The following GRM5 variants were observed in gnomAD, a reference collection of about 807,000 sequenced individuals.
GRM5 encodes the protein glutamate metabotropic receptor 5, also known as metabotropic glutamate receptor 5.
GRM5 carries 19 observed loss-of-function variants against 83.1 expected under a neutral mutation model. The observed-to-expected ratio is 0.23, with a 90% CI of 0.16 to 0.34. The LOEUF (loss-of-function observed/expected upper bound fraction) is 0.34, where lower values mean the gene tolerates loss of function less well. Ranked by LOEUF, GRM5 falls within the 10% of genes least tolerant of loss-of-function variation. GRM5 has a pLI of 1.00. For missense variants in GRM5, 1,160 were observed against 1,588.3 expected (o/e 0.73, Z 4.58); for synonymous variants, 675 against 633.6 (o/e 1.07, Z -0.98).
At chr11:88,720,145 G>T (rs2135393807) in intron 3 of GRM5, among the ~76,000 whole-genome samples, 1 of 152,146 alleles carries the variant, frequency 6.6e-6, no homozygotes, top group East Asian at 1.9e-4. Flanking sequence ...GATAGTTGTT[G>T]AACAAATCCA....
chr11:88,914,095 A>C (rs1377189021), intron 2 of GRM5, among the ~76,000 whole-genome samples: 2 of 152,164 alleles, frequency 1.3e-5, no homozygotes, highest in African/African-American at 4.8e-5. Flanking sequence ...TGTTGGTGTC[A>C]TATGTCTCTT....
rs376724440 is a variant in GRM5, at chr11:88,722,229, A to C, written c.912-68826T>G. ...CCTTTACTGGAGGGTGGAATAGCAG[A>C]ATTATACTGTTAAACCACTCCTCTA... is the stretch of plus-strand genomic sequence containing the variant. On this transcript the variant is annotated intron_variant, in intron 3 of 9. Coordinates refer to ENST00000305447, the MANE Select transcript of GRM5 (RefSeq NM_001143831.3). Among the ~76,000 whole-genome samples the C allele has an allele frequency of 3.9e-5, 6 of 152,236 alleles. No homozygotes were observed. In the South Asian group the frequency reaches 1.0e-3, roughly 26 times the overall value.
intron 3 of GRM5, among the ~76,000 whole-genome samples, chr11:88,687,213 G>A (rs1378397928): frequency 3.3e-5 from 5 of 151,738 alleles, no homozygotes; most frequent in Non-Finnish European, 7.4e-5. Flanking sequence ...AGCGGCTCGC[G>A]CCTGTAATCC....
At chr11:88,837,619 A>C (rs1944115349) in intron 3 of GRM5, among the ~76,000 whole-genome samples, 1 of 152,180 alleles carries the variant, frequency 6.6e-6, no homozygotes, top group African/African-American at 2.4e-5. Context: ...GTATTAGAAG[A>C]GGGCTTCAAA....
At chr11:88,773,518 C>T (rs1942783457) in intron 3 of GRM5, among the ~76,000 whole-genome samples, 1 of 152,084 alleles carries the variant, frequency 6.6e-6, no homozygotes, top group East Asian at 1.9e-4. Flanking sequence ...AGTCATGAAA[C>T]CCTTGCCCAT....
At chr11:89,025,693 T>C (rs554612846) in intron 2 of GRM5, among the ~76,000 whole-genome samples, 9 of 152,346 alleles carry the variant, frequency 5.9e-5, no homozygotes, top group South Asian at 2.1e-4. Flanking sequence ...TGAAAATTTA[T>C]GCTGGCAAGG....
At chr11:88,986,849 C>A (rs1038799041) in intron 2 of GRM5, among the ~76,000 whole-genome samples, 6 of 148,824 alleles carry the variant, frequency 4.0e-5, no homozygotes, top group South Asian at 2.2e-4. Flanking sequence ...TTTCACATCT[C>A]ACATTTAAGT....
intron 3 of GRM5, among the ~76,000 whole-genome samples, chr11:88,815,956 G>A (rs923376043): frequency 1.3e-5 from 2 of 151,444 alleles, no homozygotes; most frequent in Admixed American, 6.6e-5. Flanking sequence ...GCTCACGCCT[G>A]TAATCCCAGC....
intron 3 of GRM5, among the ~76,000 whole-genome samples, chr11:88,748,576 T>C (rs1351808017): frequency 6.6e-6 from 1 of 152,134 alleles, no homozygotes; most frequent in Non-Finnish European, 1.5e-5. Context: ...GCAGTGTACC[T>C]GCTCTACCAG....
At chr11:88,663,514 A>G (rs1939958683) in intron 3 of GRM5, among the ~76,000 whole-genome samples, 1 of 152,244 alleles carries the variant, frequency 6.6e-6, no homozygotes, top group Non-Finnish European at 1.5e-5. Flanking sequence ...AAAATGATCC[A>G]TTTCAACAGA....
rs186350238 is a variant in GRM5, at chr11:88,547,063, A to G, written c.2630+19990T>C. 2.0e-3 allele frequency among the ~76,000 whole-genome samples: 299 copies of G among 152,296 alleles called. 3 individuals are homozygous for G. The highest frequency in any genetic ancestry group is 1.0e-3 in the South Asian group (5 of 4,832). On this transcript the variant is annotated intron_variant, in intron 8 of 9. Coordinates refer to ENST00000305447, the MANE Select transcript of GRM5 (RefSeq NM_001143831.3). ...AATTAAAATGAGGATACAAAATCAAAACATTAAAAAACAGTTTTACCTATA... is the reference window on the plus strand; with the variant it reads ...AATTAAAATGAGGATACAAAATCAAGACATTAAAAAACAGTTTTACCTATA...
intron 9 of GRM5, among the ~76,000 whole-genome samples, chr11:88,515,938 A>G (rs1202912993): frequency 6.6e-6 from 1 of 152,200 alleles, no homozygotes; most frequent in Admixed American, 6.5e-5. Flanking sequence ...AATAGTTTCC[A>G]TTTTAATAGA....
chr11:88,534,918 G>A (rs114624723), intron 8 of GRM5, among the ~76,000 whole-genome samples: 238 of 152,270 alleles, frequency 1.6e-3, no homozygotes, highest in African/African-American at 5.4e-3. Flanking sequence ...GGTTTGATAA[G>A]GGGAAACTTG....
chr11:88,856,760 A>G (rs566642007), intron 2 of GRM5, among the ~76,000 whole-genome samples: 1 of 152,120 alleles, frequency 6.6e-6, no homozygotes, highest in South Asian at 2.1e-4. Flanking sequence ...CTATGACATG[A>G]TGATAGCTAT....
intron 2 of GRM5, among the ~76,000 whole-genome samples, chr11:88,929,755 T>C (rs745471241): frequency 6.6e-6 from 1 of 152,174 alleles, no homozygotes; most frequent in Non-Finnish European, 1.5e-5. Flanking sequence ...ATGTGGCTTC[T>C]AATTACATAT....
intron 2 of GRM5, among the ~76,000 whole-genome samples, chr11:88,982,837 C>A (rs1235980070): frequency 2.0e-5 from 3 of 152,036 alleles, no homozygotes; most frequent in African/African-American, 4.8e-5. Flanking sequence ...GAGGCCGAAG[C>A]GAGTGGATCT....
chr11:88,526,974 A>C (rs1941894178), intron 8 of GRM5, among the ~76,000 whole-genome samples: 1 of 152,178 alleles, frequency 6.6e-6, no homozygotes. Context: ...GTAATTTTAG[A>C]TGTAGGCATA....
At position 88,820,191 on chromosome 11, in the gene GRM5, T is replaced by C. The variant is rs143154913; in HGVS notation, c.911+29715A>G. Among the ~76,000 whole-genome samples, 214 of 149,754 alleles carry C rather than the reference T, an allele frequency of 1.4e-3. 1 individual carries two copies. Among genetic ancestry groups the C allele is most frequent in the African/African-American group, 5.0e-3 (200 of 40,274 alleles). ...GACAGGAGATCGAGACCATTCTGGG[T>C]AACACAGTGAAACCCCATCTCTACT... On this transcript the variant is annotated intron_variant, in intron 3 of 9. Coordinates refer to ENST00000305447, the MANE Select transcript of GRM5 (RefSeq NM_001143831.3).
intron 2 of GRM5, among the ~76,000 whole-genome samples, chr11:88,869,259 T>C (rs1425590405): frequency 1.3e-5 from 2 of 151,654 alleles, no homozygotes; most frequent in Non-Finnish European, 3.0e-5. Context: ...GTGAATCACT[T>C]TTAGAAACAT....
Sources: allele counts gnomAD v4.1 joint callset (sites outside exome capture counted in the v4.1 genomes callset), GRCh38; gene constraint gnomAD v4.1.1; transcripts MANE v1.5; gene names NCBI Gene and HGNC (gene_info 2026-07-23, HGNC 2026-07-21).